Variants in PAH observed in about 807,000 individuals in gnomAD.
The protein encoded by PAH is phenylalanine-4-hydroxylase.
Under a neutral mutation model 62.0 loss-of-function variants are expected in PAH, and 64 were observed. The ratio of observed to expected loss-of-function variants is 1.03; its 90% CI spans 0.84 to 1.27. PAH has a LOEUF of 1.27. PAH is among the 50% of genes most tolerant of loss of function. PAH has a pLI of 0.00. For missense variants in PAH, 579 were observed against 542.8 expected (o/e 1.07, Z -0.66); for synonymous variants, 195 against 196.2 (o/e 0.99, Z 0.05).
intron 2 of PAH, 22 bp from the exon 3 acceptor site, chr12:102,894,940 G>T: frequency 6.3e-7 from 1 of 1,593,938 alleles, no homozygotes; most frequent in Non-Finnish European, 8.6e-7. Flanking sequence ...AATGGGGAGG[G>T]TGAGGAGACA....
At chr12:102,886,189 C>G (rs1271319411) in intron 3 of PAH, 1 of 152,242 alleles carries the variant, frequency 6.6e-6, no homozygotes, top group Non-Finnish European at 1.5e-5. Flanking sequence ...CTCCTGGAGA[C>G]AGCAGTGGTC....
chr12:102,851,088 T>TAAA (rs63714760), intron 8 of PAH, among the ~76,000 whole-genome samples: 2,391 of 142,870 alleles, frequency 0.017, 34 homozygotes, highest in South Asian at 0.038. Flanking sequence ...GACCTTGCCT[T>TAAA]AAAAGAAAAA....
chr12:102,852,510 G>T (rs1490795796), intron 7 of PAH, among the ~76,000 whole-genome samples: 1 of 152,166 alleles, frequency 6.6e-6, no homozygotes, highest in Non-Finnish European at 1.5e-5. Context: ...GCTGCCACTT[G>T]TTCCTGTTCT....
intron 3 of PAH, among the ~76,000 whole-genome samples, chr12:102,887,649 C>A (rs777229030): frequency 2.6e-5 from 4 of 152,052 alleles, no homozygotes; most frequent in Non-Finnish European, 4.4e-5. Context: ...TTTCAAGCAC[C>A]CTTATGCACA....
At chr12:102,877,000 G>T (rs1434774994) in intron 4 of PAH, among the ~76,000 whole-genome samples, 1 of 152,010 alleles carries the variant, frequency 6.6e-6, no homozygotes, top group Non-Finnish European at 1.5e-5. Context: ...TGTTCTTTCA[G>T]CCATAAGCCC....
At chr12:102,917,421 C>T, upstream of PAH, 1 of 453,738 alleles carries the variant, frequency 2.2e-6, no homozygotes, top group South Asian at 2.1e-5. Context: ...ACTTCGCTGC[C>T]CGCCCTGGGT....
chr12:102,866,285 A>G (rs1451059784), intron 5 of PAH, among the ~76,000 whole-genome samples: 1 of 152,124 alleles, frequency 6.6e-6, no homozygotes, highest in African/African-American at 2.4e-5. Flanking sequence ...TTTATTCAGG[A>G]CCGAGGCCTT....
At chr12:102,856,355 C>T (rs1051534682) in intron 5 of PAH, among the ~76,000 whole-genome samples, 1 of 152,188 alleles carries the variant, frequency 6.6e-6, no homozygotes, top group Non-Finnish European at 1.5e-5. Context: ...CTGGGTGGAG[C>T]CCACCACAGC....
rs62508646 is a variant in PAH at position 102,844,356 on chromosome 12, A to G, written c.1045T>C (p.Ser349Pro). The change falls in exon 10 of 13, where the codon TCA becomes CCA. Residue 349 changes from serine to proline, a missense_variant. Ser to Pro is a moderately conservative substitution (Grantham distance 74). Coordinates refer to ENST00000553106, the MANE Select transcript of PAH (RefSeq NM_000277.3). ...CATACCTGTAATTCACCAAAGGATG[A>G]CAGGAGCCCAGCACCATATGCCTTT... ...SIKAYGAGLL[S>P]SFGELQYCLS... is the part of the protein sequence containing the mutation. 1.3e-4 allele frequency: 202 copies of G among 1,612,970 alleles called. No individual in the cohort carries two copies. The highest frequency in any genetic ancestry group is 1.6e-4 in the Non-Finnish European group (183 of 1,178,920).
At chr12:102,867,253 T>C (rs1876020918) in intron 4 of PAH, among the ~76,000 whole-genome samples, 1 of 152,210 alleles carries the variant, frequency 6.6e-6, no homozygotes, top group Admixed American at 6.5e-5. Context: ...GGATCCATAG[T>C]GACGGTGAGG....
At chr12:102,895,722 G>C (rs1416731580) in intron 2 of PAH, among the ~76,000 whole-genome samples, 1 of 151,712 alleles carries the variant, frequency 6.6e-6, no homozygotes, top group Admixed American at 6.6e-5. Flanking sequence ...GGTGGTGTGT[G>C]CCTGTAATCC....
upstream of PAH, among the ~76,000 whole-genome samples, chr12:102,919,171 G>A (rs1498689): frequency 0.4 from 61,159 of 151,980 alleles, 13,700 homozygotes; most frequent in African/African-American, 0.59. Context: ...CCAACACCAA[G>A]GCACTGCACT....
At position 102,894,876 on chromosome 12, in the gene PAH, GAGA is replaced by G. The variant is rs62642094; in HGVS notation, c.208_210del (p.Ser70del). Reference sequence around the variant, plus strand: ...AATTCATACTCATCTTTCTTTAAACGAGAAGGTCTAGATTCAATGTGGGTCAGG... The same window carrying G: ...AATTCATACTCATCTTTCTTTAAACGAGGTCTAGATTCAATGTGGGTCAGG... On this transcript the variant is annotated inframe_deletion, in exon 3 of 13. Transcript: ENST00000553106. 2.5e-6 allele frequency: 4 copies of G among 1,613,814 alleles called. No homozygotes were observed. Among genetic ancestry groups the G allele is most frequent in the East Asian group, 4.5e-5 (2 of 44,868 alleles).
intron 1 of PAH, among the ~76,000 whole-genome samples, chr12:102,935,529 C>CT (rs1303213077): frequency 2.6e-5 from 4 of 151,842 alleles, no homozygotes; most frequent in East Asian, 3.9e-4. Context: ...GGTACCAGGC[C>CT]TTTTTTTGCT....
At chr12:102,877,963 T>C (rs72478556) in intron 3 of PAH, among the ~76,000 whole-genome samples, 1 of 152,042 alleles carries the variant, frequency 6.6e-6, no homozygotes, top group Non-Finnish European at 1.5e-5. Flanking sequence ...GTAGCTGGGA[T>C]TACAGGTGCA....
chr12:102,846,332 A>C (rs1477340346), intron 9 of PAH, among the ~76,000 whole-genome samples: 1 of 152,218 alleles, frequency 6.6e-6, no homozygotes, highest in Non-Finnish European at 1.5e-5. Flanking sequence ...CAGGACAGGC[A>C]ATGTGGCTAG....
At chr12:102,944,179 C>T (rs1243231434) in intron 1 of PAH, among the ~76,000 whole-genome samples, 1 of 152,194 alleles carries the variant, frequency 6.6e-6, no homozygotes, top group African/African-American at 2.4e-5. Context: ...TTTTCTCTTG[C>T]TGCTTTTAGC....
intron 4 of PAH, 27 bp from the exon 5 acceptor site, chr12:102,866,690 T>C (rs1875988889): frequency 6.3e-7 from 1 of 1,588,760 alleles, no homozygotes; most frequent in Non-Finnish European, 8.6e-7. Flanking sequence ...ACCTGATTTT[T>C]CAAGGCTTCA....
intron 1 of PAH, among the ~76,000 whole-genome samples, chr12:102,931,600 C>G (rs948644881): frequency 6.6e-6 from 1 of 152,184 alleles, no homozygotes; most frequent in African/African-American, 2.4e-5. Context: ...GCTCTGATGA[C>G]TTCATTTTGC....
Sources: allele counts gnomAD v4.1 joint callset (sites outside exome capture counted in the v4.1 genomes callset), GRCh38; gene constraint gnomAD v4.1.1; transcripts MANE v1.5; gene names NCBI Gene and HGNC (gene_info 2026-07-23, HGNC 2026-07-21).